The following MYBL1 variants were observed in gnomAD, a reference collection of about 807,000 sequenced individuals.
The protein encoded by MYBL1 is myb-related protein A.
MYBL1 carries 17 observed loss-of-function variants against 96.3 expected under a neutral mutation model. That is an observed-to-expected ratio of 0.18 (90% CI 0.12 to 0.26). The LOEUF (loss-of-function observed/expected upper bound fraction) is 0.26, where lower values mean the gene tolerates loss of function less well. MYBL1 is among the 10% of genes least tolerant of loss of function. The pLI is 1.00. For missense variants in MYBL1, 701 were observed against 882.9 expected (o/e 0.79, Z 2.61); for synonymous variants, 282 against 292.7 (o/e 0.96, Z 0.37).
At chr8:66,579,671 C>T (rs1271725572) in intron 9 of MYBL1, among the ~76,000 whole-genome samples, 1 of 148,956 alleles carries the variant, frequency 6.7e-6, no homozygotes, top group East Asian at 2.0e-4. Context: ...AAAAAAAAAT[C>T]AAGTTTAAAA....
chr8:66,575,158 G>C (rs747182517), intron 10 of MYBL1, among the ~76,000 whole-genome samples: 3 of 152,158 alleles, frequency 2.0e-5, no homozygotes, highest in Non-Finnish European at 4.4e-5. Flanking sequence ...TATTACAAGA[G>C]GAGAAAGTAA....
At chr8:66,588,300 G>C (rs1273219981) in intron 8 of MYBL1, among the ~76,000 whole-genome samples, 1 of 132,036 alleles carries the variant, frequency 7.6e-6, no homozygotes, top group East Asian at 2.2e-4. Context: ...TTTTTTTTGA[G>C]ACAGGGTCTC....
intron 5 of MYBL1, 29 bp from the exon 6 acceptor site, chr8:66,595,786 GA>G: frequency 3.6e-6 from 5 of 1,393,366 alleles, no homozygotes; most frequent in Admixed American, 3.0e-5. Context: ...GATTTAAAAA[GA>G]AAAAAGGATT....
chr8:66,602,055 T>G (rs1810094440), intron 2 of MYBL1, among the ~76,000 whole-genome samples: 1 of 152,170 alleles, frequency 6.6e-6, no homozygotes, highest in Non-Finnish European at 1.5e-5. Flanking sequence ...GCAGCATTTT[T>G]TTTTTGTTTT....
intron 12 of MYBL1, among the ~76,000 whole-genome samples, chr8:66,571,872 G>A (rs371691783): frequency 1.9e-4 from 27 of 144,806 alleles, no homozygotes; most frequent in East Asian, 1.8e-3. Context: ...GCAAGACTGC[G>A]TCTCAAAAAA....
chr8:66,588,340 C>T (rs564038554), intron 8 of MYBL1, among the ~76,000 whole-genome samples: 9 of 149,572 alleles, frequency 6.0e-5, no homozygotes, highest in Non-Finnish European at 1.2e-4. Flanking sequence ...AATGCACTAG[C>T]CCGATCTCAG....
intron 12 of MYBL1, among the ~76,000 whole-genome samples, chr8:66,567,311 T>C (rs1350833554): frequency 1.3e-5 from 2 of 152,178 alleles, no homozygotes; most frequent in Non-Finnish European, 2.9e-5. Flanking sequence ...TCAAGTTTTT[T>C]TTACATAAAA....
intron 10 of MYBL1, among the ~76,000 whole-genome samples, chr8:66,574,574 C>T (rs1451154981): frequency 6.6e-6 from 1 of 152,214 alleles, no homozygotes; most frequent in East Asian, 1.9e-4. Flanking sequence ...AATATCCCAG[C>T]ATTCTCCATG....
chr8:66,609,905 T>A (rs771820727), intron 1 of MYBL1, among the ~76,000 whole-genome samples: 1 of 151,986 alleles, frequency 6.6e-6, no homozygotes, highest in Non-Finnish European at 1.5e-5. Flanking sequence ...GTTCTCATAT[T>A]TCAGTATAAT....
At chr8:66,573,868 A>T (rs956882812) in intron 10 of MYBL1, among the ~76,000 whole-genome samples, 2 of 152,226 alleles carry the variant, frequency 1.3e-5, no homozygotes, top group African/African-American at 4.8e-5. Context: ...GTTTTGTACA[A>T]CAGTGTGTAA....
chr8:66,600,130 T>A (rs1810011129), intron 3 of MYBL1, among the ~76,000 whole-genome samples: 1 of 152,316 alleles, frequency 6.6e-6, no homozygotes, highest in East Asian at 1.9e-4. Context: ...TAGAAACATC[T>A]CAAACTCCAA....
chr8:66,567,985 T>C (rs751857177), intron 12 of MYBL1, among the ~76,000 whole-genome samples: 4 of 146,580 alleles, frequency 2.7e-5, no homozygotes, highest in South Asian at 2.1e-4. Context: ...AGGCAGAAGT[T>C]GCAGTGAGCC....
intron 12 of MYBL1, among the ~76,000 whole-genome samples, chr8:66,569,446 G>T (rs925214694): frequency 6.6e-6 from 1 of 151,464 alleles, no homozygotes; most frequent in African/African-American, 2.4e-5. Context: ...ACCTCCCAGG[G>T]TCAAGCGATC....
At chr8:66,612,488 G>A (rs972752902) in intron 1 of MYBL1, 4 of 339,996 alleles carry the variant, frequency 1.2e-5, no homozygotes, top group South Asian at 1.5e-4. Flanking sequence ...TCTGCGTAGC[G>A]GACTCCCTAA....
chr8:66,596,445 T>C (rs1474665664), intron 5 of MYBL1, among the ~76,000 whole-genome samples: 8 of 152,064 alleles, frequency 5.3e-5, no homozygotes, highest in Non-Finnish European at 1.2e-4. Context: ...ATAAAGCAGG[T>C]TTTCAGTAAA....
chr8:66,568,605 A>C (rs1295076948), intron 12 of MYBL1, among the ~76,000 whole-genome samples: 1 of 152,108 alleles, frequency 6.6e-6, no homozygotes, highest in Non-Finnish European at 1.5e-5. Context: ...CCCCGGTCTC[A>C]AAGAGCTTTT....
chr8:66,570,565 G>C (rs1808688916), intron 12 of MYBL1, among the ~76,000 whole-genome samples: 1 of 152,040 alleles, frequency 6.6e-6, no homozygotes, highest in Non-Finnish European at 1.5e-5. Context: ...TCCCCAATTA[G>C]TCTACATGAC....
intron 4 of MYBL1, 96 bp from the exon 5 acceptor site, chr8:66,597,646 C>T (rs978971612): frequency 1.5e-5 from 11 of 722,206 alleles, no homozygotes; most frequent in Non-Finnish European, 2.4e-5. Flanking sequence ...GCATTAAATC[C>T]AAGCCACAAC....
chr8:66,564,147 C>T lies in MYBL1; in HGVS notation c.*550G>A, dbSNP rs1808414854. 6.6e-6 allele frequency: 1 copy of T among 151,802 alleles called. No individual in the cohort carries two copies. Among genetic ancestry groups the T allele is most frequent in the East Asian group, 1.9e-4 (1 of 5,186 alleles). The allele number at this position is 151,802 out of a possible 1,614,324, so 9.4% of individuals were successfully genotyped here. A position where few individuals can be genotyped will look rare whatever the true frequency, so the allele number is the denominator to read the frequency against. ...ACTATGCTCAAATAAATACATTTAA[C>T]ACTGTAGTTAATTTTACTGCTTCTG... On this transcript the variant is annotated 3_prime_UTR_variant, in exon 16 of 16. Transcript: ENST00000522677.
Sources: gnomAD v4.1 joint callset for allele counts (sites outside exome capture counted in the v4.1 genomes callset) on GRCh38, gnomAD v4.1.1 for gene constraint, MANE v1.5 for transcripts, NCBI Gene and HGNC (gene_info 2026-07-23, HGNC 2026-07-21) for gene names.